Variants in LAMB1 observed in about 807,000 individuals in gnomAD.
LAMB1 encodes laminin subunit beta-1.
A neutral mutation model predicts 222.3 loss-of-function variants in LAMB1; 121 were observed. That is an observed-to-expected ratio of 0.54 (90% CI 0.47 to 0.63). The LOEUF (loss-of-function observed/expected upper bound fraction) is 0.63. LAMB1 is among the 30% of genes least tolerant of loss of function. The pLI, the probability that LAMB1 is intolerant of heterozygous loss-of-function variation, is 0.00. For synonymous variants in LAMB1, 794 were observed against 807.2 expected (o/e 0.98, Z 0.28); for missense variants, 2,172 against 2,240.8 (o/e 0.97, Z 0.62).
intron 13 of LAMB1, 76 bp downstream of exon 13, chr7:107,972,916 T>G: frequency 8.7e-7 from 1 of 1,147,098 alleles, no homozygotes; most frequent in Non-Finnish European, 1.3e-6. Flanking sequence ...GAGAAACAAC[T>G]GAATGTCACC....
rs1385226527 is a variant in LAMB1, at chr7:107,980,598, G to C, written c.879+11C>G. On this transcript the variant is annotated intron_variant, in intron 8 of 33. Coordinates refer to ENST00000222399, the MANE Select transcript of LAMB1 (RefSeq NM_002291.3). ...ACATAAAGGAGAAAGGTGCACAGAGGGCTTACTTACCATTCCTTCCACTTC... is the reference window on the plus strand; with the variant it reads ...ACATAAAGGAGAAAGGTGCACAGAGCGCTTACTTACCATTCCTTCCACTTC... 12 of 1,605,788 alleles carry C rather than the reference G, an allele frequency of 7.5e-6. No homozygotes were observed. Among genetic ancestry groups the C allele is most frequent in the Non-Finnish European group, 1.0e-5 (12 of 1,173,032 alleles).
At chr7:108,001,889 C>T in intron 2 of LAMB1, 156 bp from the exon 3 acceptor site, 1 of 1,471,442 alleles carries the variant, frequency 6.8e-7, no homozygotes, top group Non-Finnish European at 9.0e-7. Flanking sequence ...GAGATGAGCG[C>T]AGGAGAGGCT....
At position 107,940,027 on chromosome 7, in the gene LAMB1, C is replaced by G. The variant is rs765375800; in HGVS notation, c.3723G>C (p.Glu1241Asp). The change falls in exon 25 of 34, where the codon GAG becomes GAC. Residue 1241 changes from glutamate (E) to aspartate (D), a missense_variant. By Grantham distance (45) the Glu-to-Asp change is conservative (BLOSUM62 2). Transcript: ENST00000222399. Reference protein sequence around the residue: ...KDILAQSPAAEPLKNIGNLFE... With the variant: ...KDILAQSPAADPLKNIGNLFE... ...AGAGATTCCCAATGTTTTTCAGTGGCTCTGCTGCGGGGCTCTGCGCCAGGA... is the reference window on the plus strand; with the variant it reads ...AGAGATTCCCAATGTTTTTCAGTGGGTCTGCTGCGGGGCTCTGCGCCAGGA... 3 of 1,614,120 alleles carry G rather than the reference C, an allele frequency of 1.9e-6. No homozygotes were observed. In the Admixed American group the frequency reaches 5.0e-5, roughly 27 times the overall value.
At chr7:107,968,500 T>C (rs912547558) in intron 13 of LAMB1, among the ~76,000 whole-genome samples, 5 of 152,190 alleles carry the variant, frequency 3.3e-5, no homozygotes, top group African/African-American at 1.2e-4. Context: ...GACATCAAGA[T>C]GGAGCGATTA....
chr7:107,991,632 TGGGCGCG>T (rs1462686879), intron 5 of LAMB1, among the ~76,000 whole-genome samples: 1 of 150,830 alleles, frequency 6.6e-6, no homozygotes, highest in African/African-American at 2.4e-5. Context: ...AAGATTAGGC[TGGGCGCG>T]GTAGCTCACG....
At chr7:107,931,230 T>A in intron 29 of LAMB1, 126 bp downstream of exon 29, 1 of 764,048 alleles carries the variant, frequency 1.3e-6, no homozygotes, top group Admixed American at 2.7e-5. Flanking sequence ...AAACATTTAA[T>A]ATACGGACGT....
chr7:107,975,301 T>TCC lies in LAMB1; in HGVS notation c.1300_1301dup (p.His436AsnfsTer13). The TCC allele has an allele frequency of 6.2e-7, 1 of 1,614,034 alleles. No individual in the cohort carries two copies. Among genetic ancestry groups the TCC allele is most frequent in the Non-Finnish European group, 8.5e-7 (1 of 1,179,912 alleles). On this transcript the variant is annotated frameshift_variant, in exon 11 of 34. Coordinates refer to ENST00000222399, the MANE Select transcript of LAMB1 (RefSeq NM_002291.3). LOFTEE classifies it high-confidence loss of function. ...CTTCTTTGCAAACATCACAATGTTCTCCTTCCACATTTAATTTACACCGAC... is the reference window on the plus strand; with the variant it reads ...CTTCTTTGCAAACATCACAATGTTCTCCCCTTCCACATTTAATTTACACCGAC...
intron 25 of LAMB1, among the ~76,000 whole-genome samples, chr7:107,939,134 C>G (rs1335655240): frequency 6.6e-6 from 1 of 152,198 alleles, no homozygotes; most frequent in African/African-American, 2.4e-5. Context: ...TCTAGGGAAG[C>G]ACAGATGCCT....
Position 108,002,901 on chromosome 7 carries a change from CCACGGGGACGCGGCAG to C in LAMB1, c.-32_-17del, listed in dbSNP as rs1241903411. 1.2e-6 allele frequency: 2 copies of C among 1,613,792 alleles called. No homozygotes were observed. The highest frequency in any genetic ancestry group is 3.3e-5 in the Admixed American group (2 of 60,024). ...GAAGCCCCATGCCGGCTCCCTGCAG[CCACGGGGACGCGGCAG>C]AGGAGTGGAGAAGACGCCCGCCGAG... On this transcript the variant is annotated 5_prime_UTR_variant, in exon 2 of 34. Transcript: ENST00000222399.
In LAMB1 at chr7:107,962,993, C is replaced by T. The variant is rs756288014; in HGVS notation, c.1769G>A (p.Arg590Gln). Residue 590 changes from arginine to glutamine, a missense_variant, in exon 15 of 34, where the codon CGA (arginine) becomes CAA (glutamine). Transcript: ENST00000222399. Reference sequence around the variant, plus strand: ...CTCCAAATAAGCCCCTTCAGGCACTCGGACGAAGCCGGCTCCAGTCCAGGA... The same window carrying T: ...CTCCAAATAAGCCCCTTCAGGCACTTGGACGAAGCCGGCTCCAGTCCAGGA... ...IPSWTGAGFV[R>Q]VPEGAYLEFF... 59 of 1,613,982 alleles carry T rather than the reference C, an allele frequency of 3.7e-5. No individual in the cohort carries two copies. The Admixed American group carries it at 5.7e-4, about 16-fold the overall frequency.
intron 24 of LAMB1, among the ~76,000 whole-genome samples, chr7:107,944,036 AC>A (rs992736769): frequency 2.4e-4 from 36 of 152,254 alleles, no homozygotes; most frequent in African/African-American, 8.2e-4. Context: ...GGGCCTACTC[AC>A]CCATCTCCCT....
chr7:107,992,210 C>A (rs2034199538), intron 5 of LAMB1, among the ~76,000 whole-genome samples: 1 of 152,200 alleles, frequency 6.6e-6, no homozygotes, highest in South Asian at 2.1e-4. Context: ...CTTCCTGGCC[C>A]AGGTCAAGTG....
At chr7:107,925,088 G>C (rs1042504291) in intron 32 of LAMB1, among the ~76,000 whole-genome samples, 6 of 152,146 alleles carry the variant, frequency 3.9e-5, no homozygotes, top group African/African-American at 9.7e-5. Flanking sequence ...AAAGACAGCT[G>C]TCTGATATTG....
intron 2 of LAMB1, 61 bp downstream of exon 2, chr7:108,002,788 T>G: frequency 6.2e-7 from 1 of 1,611,032 alleles, no homozygotes; most frequent in Non-Finnish European, 8.5e-7. Flanking sequence ...AAGCAGCTTT[T>G]GGGTTTTCCT....
rs546738972 is a variant in LAMB1 at position 107,990,898 on chromosome 7, C to T, written c.423+3989G>A. Among the ~76,000 whole-genome samples the T allele has an allele frequency of 1.1e-3, 175 of 152,290 alleles. 1 individual carries two copies. Among genetic ancestry groups the T allele is most frequent in the South Asian group, 6.0e-3 (29 of 4,822 alleles). ...GCTCCCTCCTACTTAAGAATCACAG[C>T]CAGTTTTTGCATTAGCAGTAACCCT... On this transcript the variant is annotated intron_variant, in intron 5 of 33. Coordinates refer to ENST00000222399, the MANE Select transcript of LAMB1 (RefSeq NM_002291.3).
chr7:107,959,668 A>G (rs1177829054), intron 19 of LAMB1, 23 bp downstream of exon 19: 1 of 1,614,196 alleles, frequency 6.2e-7, no homozygotes, highest in Non-Finnish European at 8.5e-7. Context: ...ATGAATGCAT[A>G]ACAATGCTTT....
chr7:107,926,229 T>TC lies in LAMB1; in HGVS notation c.5017dup (p.Glu1673GlyfsTer15). The TC allele has an allele frequency of 6.2e-7, 1 of 1,614,008 alleles. No homozygotes were observed. Among genetic ancestry groups the TC allele is most frequent in the Admixed American group, 1.7e-5 (1 of 60,016 alleles). On this transcript the variant is annotated frameshift_variant, in exon 32 of 34. Transcript: ENST00000222399. LOFTEE classifies it high-confidence loss of function. The stretch of plus-strand genomic sequence containing the variant: ...TTGCTTCACAGTATATACTACTTTT[T>TC]CAATATATTCTGCCTCCCCGGAGTT...
At chr7:107,970,505 AG>A (rs34610492) in intron 13 of LAMB1, among the ~76,000 whole-genome samples, 12 of 108,814 alleles carry the variant, frequency 1.1e-4, no homozygotes, top group African/African-American at 1.9e-4. Context: ...AAAAAAAAAA[AG>A]GGGGGGGTGG....
intron 7 of LAMB1, 51 bp from the exon 8 acceptor site, chr7:107,980,862 T>A: frequency 1.0e-6 from 1 of 973,202 alleles, no homozygotes; most frequent in Non-Finnish European, 1.5e-6. Flanking sequence ...AGCAAGAAGT[T>A]TTTTTTTTTT....
Sources: gnomAD v4.1 joint callset for allele counts (sites outside exome capture counted in the v4.1 genomes callset) on GRCh38, gnomAD v4.1.1 for gene constraint, MANE v1.5 for transcripts, NCBI Gene and HGNC (gene_info 2026-07-23, HGNC 2026-07-21) for gene names.